ODF2: variants seen among roughly 807,000 people sequenced by gnomAD.
ODF2 encodes outer dense fiber of sperm tails 2.
Under a neutral mutation model 110.2 loss-of-function variants are expected in ODF2, and 47 were observed. That is an observed-to-expected ratio of 0.43 (90% CI 0.34 to 0.54). The LOEUF (loss-of-function observed/expected upper bound fraction) is 0.54. Ranked by LOEUF, ODF2 falls within the 20% of genes least tolerant of loss-of-function variation. ODF2 has a pLI of 0.03. For missense variants in ODF2, 812 were observed against 1,054.5 expected (o/e 0.77, Z 3.19); for synonymous variants, 352 against 397.7 (o/e 0.89, Z 1.37).
At chr9:128,463,032 G>A (rs1228863375) in intron 4 of ODF2, among the ~76,000 whole-genome samples, 2 of 152,284 alleles carry the variant, frequency 1.3e-5, no homozygotes, top group East Asian at 3.9e-4. Context: ...GGAGGCCCAG[G>A]AGGGAGGATC....
At chr9:128,464,090 C>A (rs1415508261) in intron 4 of ODF2, among the ~76,000 whole-genome samples, 1 of 150,700 alleles carries the variant, frequency 6.6e-6, no homozygotes, top group East Asian at 1.9e-4. Context: ...AGTAACCCGC[C>A]CACCTCAGCC....
At chr9:128,456,390 C>G in intron 1 of ODF2, 135 bp downstream of exon 1, 2 of 1,440,490 alleles carry the variant, frequency 1.4e-6, no homozygotes, top group East Asian at 2.9e-5. Flanking sequence ...GCGCTCGTCC[C>G]CCTCCTGTCA....
intron 6 of ODF2, 41 bp from the exon 7 acceptor site, chr9:128,472,872 G>A: frequency 1.2e-6 from 2 of 1,612,030 alleles, no homozygotes; most frequent in Non-Finnish European, 1.7e-6. Flanking sequence ...TGGGCATGCG[G>A]GGGCCTGGGA....
At chr9:128,500,207 C>T (rs2132368177) in exon 21 of ODF2, 1 of 1,614,200 alleles carries the variant, frequency 6.2e-7, no homozygotes, top group Non-Finnish European at 8.5e-7. Context: ...GTCCCTATTC[C>T]ACCTTCCTGA....
rs1843242831 is a variant in ODF2 at position 128,485,762 on chromosome 9, C to G, written c.1400+288C>G. 6.6e-6 allele frequency among the ~76,000 whole-genome samples: 1 copy of G among 152,066 alleles called. No individual in the cohort carries two copies. Among genetic ancestry groups the G allele is most frequent in the African/African-American group, 2.4e-5 (1 of 41,386 alleles). ...TCTGACTTCATCACCTGGGCCTGAT[C>G]CTGTCCTCAGTCTACACAGCATTTG... is the stretch of plus-strand genomic sequence containing the variant. On this transcript the variant is annotated intron_variant, in intron 13 of 20. Coordinates refer to ENST00000604420, the Ensembl canonical transcript of ODF2. This position sits in a 1 kb window ranked among gnomAD's most constrained non-coding sequence, Gnocchi z 5.0.
Position 128,472,884 on chromosome 9 carries a change from G to T in ODF2, c.582-29G>T, listed in dbSNP as rs113174868. ...CTCTGGGCATGCGGGGGCCTGGGAG[G>T]GCTCACAGAGCCGTCTTTCTGGCCC... On this transcript the variant is annotated intron_variant, in intron 6 of 20. Transcript: ENST00000604420. The T allele has an allele frequency of 4.5e-3, 7,311 of 1,613,038 alleles. 296 individuals carry two copies. In the African/African-American group the frequency reaches 0.084, roughly 18 times the overall value.
intron 4 of ODF2, among the ~76,000 whole-genome samples, chr9:128,465,608 G>T (rs1197944476): frequency 6.6e-6 from 1 of 152,108 alleles, no homozygotes; most frequent in Admixed American, 6.6e-5. Flanking sequence ...GGGCATGGTG[G>T]CACGCTCCTG....
At chr9:128,496,442 T>C (rs1589000179) in intron 18 of ODF2, 3 of 884,400 alleles carry the variant, frequency 3.4e-6, no homozygotes, top group East Asian at 5.0e-5. Context: ...CCAGTTTGAA[T>C]GGAGCAGCCA....
chr9:128,457,392 T>A (rs988771682), exon 2 of ODF2: 17 of 1,613,262 alleles, frequency 1.1e-5, no homozygotes, highest in Non-Finnish European at 1.3e-5. Flanking sequence ...CCTTTGCGGC[T>A]TTGATGCCTA....
At chr9:128,461,104 T>C in intron 4 of ODF2, 37 bp downstream of exon 4, 1 of 1,605,042 alleles carries the variant, frequency 6.2e-7, no homozygotes, top group East Asian at 2.2e-5. Flanking sequence ...CTTCTCGGAC[T>C]GCTCAGATCC....
rs1397778928 is a variant in ODF2, at chr9:128,494,573, A to T, written c.1816A>T (p.Thr606Ser). 6.2e-7 allele frequency: 1 copy of T among 1,614,146 alleles called. No homozygotes were observed. The highest frequency in any genetic ancestry group is 1.7e-5 in the Admixed American group (1 of 60,016). ...GCAGCTCCCTGACATCCTGAAGATC[A>T]CGGAGGCGAAGCTGGCTGAGTGCCA... Residue 606 changes from threonine to serine, a missense_variant, in exon 17 of 21, where the codon ACG (threonine) becomes TCG (serine). By Grantham distance (58) the Thr-to-Ser change is moderately conservative (BLOSUM62 1). Coordinates refer to ENST00000604420, the Ensembl canonical transcript of ODF2. This position sits in a 1 kb window ranked among gnomAD's most constrained non-coding sequence, Gnocchi z 4.6.
At chr9:128,492,142 G>A (rs1322273058) in intron 14 of ODF2, among the ~76,000 whole-genome samples, 1 of 151,850 alleles carries the variant, frequency 6.6e-6, no homozygotes, top group Non-Finnish European at 1.5e-5. Context: ...TGGGATTATA[G>A]GCGTGAGCCA....
chr9:128,492,610 A>C (rs1844825173), intron 15 of ODF2, 74 bp downstream of exon 15: 6 of 1,516,948 alleles, frequency 4.0e-6, no homozygotes, highest in African/African-American at 2.7e-5. Flanking sequence ...GCTCCCTACC[A>C]GGCCACTCCC....
chr9:128,456,113 T>A, upstream of ODF2: 1 of 1,546,482 alleles, frequency 6.5e-7, no homozygotes, highest in South Asian at 1.2e-5. Flanking sequence ...GCCGACCGGG[T>A]GTCGGAAAAG....
At chr9:128,474,035 G>A (rs989474315) in intron 8 of ODF2, among the ~76,000 whole-genome samples, 14 of 152,252 alleles carry the variant, frequency 9.2e-5, no homozygotes, top group East Asian at 7.7e-4. Flanking sequence ...CCAGACCTGA[G>A]CTTTTTGTTC....
chr9:128,459,596 C>G (rs371327851), exon 3 of ODF2: 3 of 1,613,980 alleles, frequency 1.9e-6, no homozygotes, highest in South Asian at 2.2e-5. Flanking sequence ...AACGGAGTAA[C>G]GAGTCTCACG....
intron 20 of ODF2, 109 bp from the exon 21 acceptor site, chr9:128,499,958 C>A: frequency 8.9e-7 from 1 of 1,118,752 alleles, no homozygotes; most frequent in Non-Finnish European, 1.3e-6. Flanking sequence ...AGTCACTCCA[C>A]ACTCGCCTCC....
intron 2 of ODF2, among the ~76,000 whole-genome samples, chr9:128,457,670 AG>A (rs1179750084): frequency 6.6e-6 from 1 of 152,232 alleles, no homozygotes; most frequent in African/African-American, 2.4e-5. Context: ...GGAAGCAAAC[AG>A]GGTCACTCTT....
At chr9:128,500,419 T>A in exon 21 of ODF2, 1 of 637,482 alleles carries the variant, frequency 1.6e-6, no homozygotes, top group Non-Finnish European at 2.7e-6. Flanking sequence ...CAGCAGAAGG[T>A]GAAGCAGGAA....
Sources: allele counts gnomAD v4.1 joint callset (sites outside exome capture counted in the v4.1 genomes callset), GRCh38; gene constraint gnomAD v4.1.1; non-coding constraint Gnocchi (gnomAD v3.1); transcripts MANE v1.5; gene names NCBI Gene and HGNC (gene_info 2026-07-23, HGNC 2026-07-21).